Variants in ALMS1 observed in about 807,000 individuals in gnomAD.
The protein encoded by ALMS1 is centrosome-associated protein ALMS1.
ALMS1 carries 271 observed loss-of-function variants against 352.2 expected under a neutral mutation model. That is an observed-to-expected ratio of 0.77 (90% confidence interval 0.70 to 0.85). The LOEUF is 0.85. Among genes scored for constraint, ALMS1 ranks in the 40% least tolerant of loss-of-function variants. ALMS1 has a pLI of 0.00. For missense variants in ALMS1, 5,445 were observed against 4,870.7 expected (o/e 1.12, Z -3.51); for synonymous variants, 1,865 against 1,761.2 (o/e 1.06, Z -1.48).
intron 22 of ALMS1, among the ~76,000 whole-genome samples, chr2:73,608,909 G>A (rs1468401896): frequency 1.3e-5 from 2 of 152,176 alleles, no homozygotes. Flanking sequence ...GTGATTTCAT[G>A]CCCCTCATTG....
intron 21 of ALMS1, among the ~76,000 whole-genome samples, chr2:73,604,897 G>A (rs11689978): frequency 6.6e-6 from 1 of 152,308 alleles, no homozygotes; most frequent in Non-Finnish European, 1.5e-5. Flanking sequence ...TAGTCTAGTA[G>A]GCATTGTATC....
intron 1 of ALMS1, 137 bp from the exon 2 acceptor site, chr2:73,408,485 T>G: frequency 1.0e-6 from 1 of 995,490 alleles, no homozygotes. Flanking sequence ...GCTTGTATAA[T>G]GGTTGTGAAA....
At position 73,451,505 on chromosome 2, in the gene ALMS1, G is replaced by C. The variant is rs2103784697; in HGVS notation, c.4978G>C (p.Val1660Leu). The C allele has an allele frequency of 6.2e-7, 1 of 1,613,908 alleles. No homozygotes were observed. The highest frequency in any genetic ancestry group is 8.5e-7 in the Non-Finnish European group (1 of 1,179,938). ...TGACCAGAAGACTGAGACATTACCA[G>C]TACATTCTACTAGCTACTCAAATAG... ...PADQKTETLPVHSTSYSNRGK... is the reference protein window; with the variant it reads ...PADQKTETLPLHSTSYSNRGK... The change falls in exon 8 of 23, where the codon GTA becomes CTA. Residue 1660 changes from valine (V) to leucine (L), a missense_variant. Coordinates refer to ENST00000613296, the MANE Select transcript of ALMS1 (RefSeq NM_001378454.1).
At chr2:73,590,677 C>CTTTTT (rs35264211) in intron 16 of ALMS1, among the ~76,000 whole-genome samples, 15 of 108,434 alleles carry the variant, frequency 1.4e-4, no homozygotes, top group African/African-American at 2.0e-4. Context: ...TGTTTTATTA[C>CTTTTT]TTTTTTTTTT....
chr2:73,429,971 G>A (rs1361784149), intron 6 of ALMS1, among the ~76,000 whole-genome samples: 1 of 151,208 alleles, frequency 6.6e-6, no homozygotes, highest in Admixed American at 6.6e-5. Context: ...CTTGATTTCT[G>A]TTTTCTCCTG....
At chr2:73,591,605 T>C (rs1468452604) in intron 16 of ALMS1, among the ~76,000 whole-genome samples, 9 of 152,164 alleles carry the variant, frequency 5.9e-5, no homozygotes, top group Admixed American at 5.2e-4. Flanking sequence ...TTTATTAAAC[T>C]TGAAGTTGGA....
rs1344654636 is a variant in ALMS1, at chr2:73,491,432, T to A, written c.9473T>A (p.Ile3158Lys). 6.2e-7 allele frequency: 1 copy of A among 1,614,138 alleles called. No homozygotes were observed. The highest frequency in any genetic ancestry group is 2.2e-5 in the East Asian group (1 of 44,880). ...AGCCAGATAGTAACCTCCAGGCAAA[T>A]ACAAGTGAACATTTCAGATTTCGAA... is the stretch of plus-strand genomic sequence containing the variant. The part of the protein sequence containing the change: ...QNSQIVTSRQ[I>K]QVNISDFEGH... Residue 3158 changes from isoleucine to lysine, a missense_variant, in exon 10 of 23, where the codon ATA becomes AAA. By Grantham distance (102) the Ile-to-Lys change is moderately radical. Transcript: ENST00000613296.
intron 1 of ALMS1, among the ~76,000 whole-genome samples, chr2:73,391,582 C>T (rs1405708044): frequency 6.6e-6 from 1 of 152,112 alleles, no homozygotes; most frequent in Non-Finnish European, 1.5e-5. Flanking sequence ...CTTGAGCCAC[C>T]GTGCCTGGCC....
At chr2:73,419,941 A>T (rs1369643965) in intron 3 of ALMS1, among the ~76,000 whole-genome samples, 1 of 152,236 alleles carries the variant, frequency 6.6e-6, no homozygotes, top group Non-Finnish European at 1.5e-5. Context: ...AACTTAATTC[A>T]GCAAGTTCTT....
intron 7 of ALMS1, among the ~76,000 whole-genome samples, chr2:73,444,673 A>G (rs1671773888): frequency 6.6e-6 from 1 of 152,208 alleles, no homozygotes; most frequent in Non-Finnish European, 1.5e-5. Context: ...AGTTATTTAA[A>G]TGGCATACAT....
chr2:73,607,335 T>A (rs1675838157), intron 21 of ALMS1, among the ~76,000 whole-genome samples: 1 of 152,248 alleles, frequency 6.6e-6, no homozygotes, highest in Non-Finnish European at 1.5e-5. Flanking sequence ...TCTATTTAAC[T>A]GTTGTTTTGT....
chr2:73,470,026 A>T (rs994093125), intron 9 of ALMS1: 10 of 151,874 alleles, frequency 6.6e-5, no homozygotes, highest in African/African-American at 2.4e-4. Flanking sequence ...ACCTGAAATT[A>T]TGAATCTTTT....
chr2:73,559,018 C>G lies in ALMS1; in HGVS notation c.10260C>G (p.Asp3420Glu). The G allele has an allele frequency of 6.2e-7, 1 of 1,613,964 alleles. No individual in the cohort carries two copies. Among genetic ancestry groups the G allele is most frequent in the Non-Finnish European group, 8.5e-7 (1 of 1,179,946 alleles). The change falls in exon 15 of 23, where the codon GAC (aspartate) becomes GAG (glutamate). Residue 3420 changes from aspartate (D) to glutamate (E), a missense_variant. Transcript: ENST00000613296. ...AAAEHSAQVG[D>E]PEMKNLPDTK... ...CAGAGCACTCAGCTCAAGTAGGAGACCCAGAAATGAAGAACTTGCCAGACA... is the reference window on the plus strand; with the variant it reads ...CAGAGCACTCAGCTCAAGTAGGAGAGCCAGAAATGAAGAACTTGCCAGACA...
At chr2:73,583,288 A>C (rs568558389) in intron 16 of ALMS1, among the ~76,000 whole-genome samples, 1 of 151,978 alleles carries the variant, frequency 6.6e-6, no homozygotes, top group South Asian at 2.1e-4. Flanking sequence ...TTGACCTCCG[A>C]AAGTGCTGGG....
intron 7 of ALMS1, among the ~76,000 whole-genome samples, chr2:73,437,102 C>G (rs377728181): frequency 1.6e-4 from 24 of 152,304 alleles, no homozygotes; most frequent in African/African-American, 5.5e-4. Flanking sequence ...CCACCAAGAT[C>G]TCCATTGTTT....
rs200432874 is a variant in ALMS1 at position 73,519,968 on chromosome 2, G to A, written c.9733G>A (p.Ala3245Thr). Reference sequence around the variant, plus strand: ...GCTACGCAAAGCTCCTGTCAAGTTTGCCTCATCATCTTCAGTCCAACAGGT... The same window carrying A: ...GCTACGCAAAGCTCCTGTCAAGTTTACCTCATCATCTTCAGTCCAACAGGT... The part of the protein sequence containing the change: ...QKLRKAPVKF[A>T]SSSSVQQVTF... The change falls in exon 11 of 23, where the codon GCC becomes ACC. Residue 3245 changes from alanine (A) to threonine (T), a missense_variant. Transcript: ENST00000613296. 4.6e-5 allele frequency: 74 copies of A among 1,614,092 alleles called. No homozygotes were observed. The East Asian group carries it at 1.3e-3, about 29-fold the overall frequency.
intron 10 of ALMS1, among the ~76,000 whole-genome samples, chr2:73,517,569 G>A (rs1390393887): frequency 6.6e-6 from 1 of 151,620 alleles, no homozygotes; most frequent in Non-Finnish European, 1.5e-5. Context: ...TAATTTTAGA[G>A]TTACAAAAAA....
At chr2:73,521,029 G>A (rs1468700213) in intron 11 of ALMS1, among the ~76,000 whole-genome samples, 1 of 152,064 alleles carries the variant, frequency 6.6e-6, no homozygotes, top group Non-Finnish European at 1.5e-5. Flanking sequence ...ATACCTAAAT[G>A]TAAAGAAAAT....
chr2:73,508,495 G>A (rs1412972675), intron 10 of ALMS1, among the ~76,000 whole-genome samples: 4 of 152,052 alleles, frequency 2.6e-5, no homozygotes, highest in African/African-American at 7.2e-5. Flanking sequence ...GTGAGCCACC[G>A]CACCCGGCTG....
Sources: gnomAD v4.1 joint callset for allele counts (sites outside exome capture counted in the v4.1 genomes callset) on GRCh38, gnomAD v4.1.1 for gene constraint, MANE v1.5 for transcripts, NCBI Gene and HGNC (gene_info 2026-07-23, HGNC 2026-07-21) for gene names.